Variants in DLC1 observed in about 807,000 individuals in gnomAD.
The protein encoded by DLC1 is rho GTPase-activating protein 7.
In DLC1, 54 loss-of-function variants were observed where a neutral mutation model predicts 140.3. The ratio of observed to expected loss-of-function variants is 0.38; its 90% confidence interval spans 0.31 to 0.48. The LOEUF is 0.48. Ranked by LOEUF, DLC1 falls within the 20% of genes least tolerant of loss-of-function variation. The pLI, the probability that DLC1 is intolerant of heterozygous loss-of-function variation, is 0.96. For missense variants in DLC1, 2,536 were observed against 1,907.0 expected (o/e 1.33, Z -6.14); for synonymous variants, 986 against 728.1 (o/e 1.35, Z -5.70).
At chr8:13,334,762 G>A (rs1198823937) in intron 4 of DLC1, among the ~76,000 whole-genome samples, 1 of 152,210 alleles carries the variant, frequency 6.6e-6, no homozygotes, top group Non-Finnish European at 1.5e-5. Flanking sequence ...AACACCAGTT[G>A]TCCTGGTTTT....
intron 5 of DLC1, among the ~76,000 whole-genome samples, chr8:13,175,533 T>G (rs140534793): frequency 6.6e-6 from 1 of 151,698 alleles, no homozygotes; most frequent in Non-Finnish European, 1.5e-5. Context: ...TTCTGTCTTG[T>G]TTTTTAAACA....
At chr8:13,444,091 A>T (rs1428444851) in intron 2 of DLC1, among the ~76,000 whole-genome samples, 1 of 143,922 alleles carries the variant, frequency 6.9e-6, no homozygotes, top group Non-Finnish European at 1.5e-5. Context: ...TCAGAGGATA[A>T]GTTTAGAATT....
intron 5 of DLC1, among the ~76,000 whole-genome samples, chr8:13,189,966 A>G (rs1247882959): frequency 1.3e-5 from 2 of 152,084 alleles, no homozygotes; most frequent in Non-Finnish European, 2.9e-5. Context: ...AGCCCAGCGC[A>G]TGGACAGAGG....
At chr8:13,487,180 C>A (rs1156384020) in intron 2 of DLC1, among the ~76,000 whole-genome samples, 2 of 152,160 alleles carry the variant, frequency 1.3e-5, no homozygotes, top group Admixed American at 6.5e-5. Context: ...CAGGTTTCAA[C>A]AAAGAGTATA....
rs554341281 is a variant in DLC1, at chr8:13,306,380, G to A, written c.1315-1078C>T. 7.9e-5 allele frequency among the ~76,000 whole-genome samples: 12 copies of A among 152,242 alleles called. No individual in the cohort carries two copies. The South Asian group carries it at 1.2e-3, about 16-fold the overall frequency. On this transcript the variant is annotated intron_variant, in intron 4 of 17. Transcript: ENST00000276297. Reference sequence around the variant, plus strand: ...GTTCTCATTCATCTCAGTTACTCACGTATAAAATATAGTTGAGGATGTATT... The same window carrying A: ...GTTCTCATTCATCTCAGTTACTCACATATAAAATATAGTTGAGGATGTATT...
chr8:13,586,881 G>A (rs1232613787), intron 1 of DLC1, among the ~76,000 whole-genome samples: 1 of 152,028 alleles, frequency 6.6e-6, no homozygotes, highest in Non-Finnish European at 1.5e-5. Context: ...ACCTAGTTTT[G>A]ATCATTCTAA....
intron 17 of DLC1, 162 bp from the exon 18 acceptor site, chr8:13,086,093 C>T (rs1041012895): frequency 4.9e-5 from 67 of 1,368,568 alleles, no homozygotes; most frequent in Non-Finnish European, 6.2e-5. Context: ...TTTAGAACCA[C>T]ATTTTCTAAG....
chr8:13,314,288 G>T (rs1832785091), intron 4 of DLC1, among the ~76,000 whole-genome samples: 1 of 147,086 alleles, frequency 6.8e-6, no homozygotes. Flanking sequence ...CATTTAATCA[G>T]AATATAATAT....
chr8:13,110,940 G>C (rs1276641518), intron 6 of DLC1, 117 bp from the exon 7 acceptor site: 1 of 840,254 alleles, frequency 1.2e-6, no homozygotes, highest in Admixed American at 2.1e-5. Context: ...ACCTACTGTA[G>C]GACACCTCAT....
chr8:13,423,665 C>T lies in DLC1; in HGVS notation c.1024-22046G>A, dbSNP rs572889584. On this transcript the variant is annotated intron_variant, in intron 2 of 17. Transcript: ENST00000276297. ...AATCGGATTTCTGCTCTGATGTGTG[C>T]CATTGCTGAATTTGATAAAATTCTT... 1.2e-4 allele frequency among the ~76,000 whole-genome samples: 18 copies of T among 152,184 alleles called. No homozygotes were observed. The South Asian group carries it at 3.7e-3, about 32-fold the overall frequency.
chr8:13,602,935 T>C (rs1288748360), intron 1 of DLC1, among the ~76,000 whole-genome samples: 1 of 151,864 alleles, frequency 6.6e-6, no homozygotes. Flanking sequence ...ATAAAATAAT[T>C]GAATTTTTAA....
intron 1 of DLC1, among the ~76,000 whole-genome samples, chr8:13,589,401 A>G (rs1346235699): frequency 6.6e-6 from 1 of 152,112 alleles, no homozygotes; most frequent in Non-Finnish European, 1.5e-5. Flanking sequence ...TCCTGAGAAA[A>G]TTCTAGTAGA....
chr8:13,167,575 A>G (rs945834248), intron 5 of DLC1, among the ~76,000 whole-genome samples: 4 of 152,212 alleles, frequency 2.6e-5, no homozygotes, highest in Non-Finnish European at 4.4e-5. Context: ...GCCTGAAATC[A>G]GAGTACAGAT....
chr8:13,098,034 G>GAAAAAAAAA (rs35785512), intron 10 of DLC1, among the ~76,000 whole-genome samples: 49 of 68,408 alleles, frequency 7.2e-4, no homozygotes, highest in Admixed American at 2.1e-3. Context: ...AAGGAAAAAA[G>GAAAAAAAAA]AAAAAAAAAA....
intron 5 of DLC1, among the ~76,000 whole-genome samples, chr8:13,216,120 C>G (rs561989441): frequency 9.9e-5 from 15 of 152,278 alleles, no homozygotes; most frequent in African/African-American, 3.4e-4. Flanking sequence ...TCATCAGACC[C>G]AGTTTCCTCT....
At chr8:13,428,966 T>C (rs536159740) in intron 2 of DLC1, among the ~76,000 whole-genome samples, 4 of 152,326 alleles carry the variant, frequency 2.6e-5, no homozygotes, top group South Asian at 2.1e-4. Flanking sequence ...ATAAGTTCCG[T>C]AGAATCATTA....
intron 4 of DLC1, among the ~76,000 whole-genome samples, chr8:13,367,280 T>A (rs1835530362): frequency 6.6e-6 from 1 of 152,256 alleles, no homozygotes. Flanking sequence ...GGACGTGAAA[T>A]GCATCTCACT....
chr8:13,385,036 A>G (rs1000633532), intron 4 of DLC1, among the ~76,000 whole-genome samples: 2 of 152,170 alleles, frequency 1.3e-5, no homozygotes, highest in African/African-American at 4.8e-5. Context: ...CCAATATATA[A>G]AAGAGATAAA....
chr8:13,163,038 A>T (rs755284359), intron 5 of DLC1, among the ~76,000 whole-genome samples: 3 of 152,180 alleles, frequency 2.0e-5, no homozygotes, highest in Non-Finnish European at 4.4e-5. Context: ...AGCCTCTCTA[A>T]GTAGGGCTTT....
Sources: gnomAD v4.1 joint callset for allele counts (sites outside exome capture counted in the v4.1 genomes callset) on GRCh38, gnomAD v4.1.1 for gene constraint, MANE v1.5 for transcripts, NCBI Gene and HGNC (gene_info 2026-07-23, HGNC 2026-07-21) for gene names.